The following C16orf46 variants were observed in gnomAD, a reference collection of about 807,000 sequenced individuals.
The protein encoded by C16orf46 is uncharacterized protein C16orf46.
C16orf46 carries 7 observed loss-of-function variants against 5.5 expected under a neutral mutation model. That is an observed-to-expected ratio of 1.28 (90% CI 0.73 to 2.40). The LOEUF is 2.40. Among genes scored for constraint, C16orf46 ranks in the 30% most tolerant of loss-of-function variants. The pLI is 0.00. For synonymous variants in C16orf46, 200 were observed against 184.1 expected (o/e 1.09, Z -0.70); for missense variants, 614 against 476.0 (o/e 1.29, Z -2.70).
In C16orf46 at chr16:81,062,231, G is replaced by A. The variant is rs1180876663; in HGVS notation, c.211-93C>T. 5.5e-6 allele frequency: 6 copies of A among 1,094,976 alleles called. No homozygotes were observed. In the Admixed American group the frequency reaches 1.6e-4, roughly 28 times the overall value. 67.8% of individuals were successfully genotyped at this position (1,094,976 alleles called of 1,614,324 possible). Reference sequence around the variant, plus strand: ...CACATTCCCATTTTGGCAGTCTTATGTGAAACAATATTCTTATTTTTATTT... The same window carrying A: ...CACATTCCCATTTTGGCAGTCTTATATGAAACAATATTCTTATTTTTATTT... On this transcript the variant is annotated intron_variant, in intron 3 of 3. Transcript: ENST00000299578.
At chr16:81,053,947 A>G in exon 4 of C16orf46, 1 of 986,990 alleles carries the variant, frequency 1.0e-6, no homozygotes, top group Non-Finnish European at 1.6e-6. Flanking sequence ...TTCTGCTTGC[A>G]GCGTTTGACT....
Position 81,071,297 on chromosome 16 carries a change from C to T in C16orf46, c.-127-5016G>A, listed in dbSNP as rs373406707. On this transcript the variant is annotated intron_variant, in intron 1 of 3. Coordinates refer to ENST00000299578, the MANE Select transcript of C16orf46 (RefSeq NM_152337.3). ...CCCAGTCAAACGTGGCAGGTTATCA[C>T]TAACCAATAAGAGCGACCAACTATC... Among the ~76,000 whole-genome samples the T allele has an allele frequency of 5.9e-5, 9 of 152,312 alleles. No individual in the cohort carries two copies. In the South Asian group the frequency reaches 1.2e-3, roughly 21 times the overall value.
chr16:81,074,703 A>C (rs1971968256), intron 1 of C16orf46, among the ~76,000 whole-genome samples: 1 of 151,474 alleles, frequency 6.6e-6, no homozygotes, highest in Admixed American at 6.6e-5. Flanking sequence ...ATCTTGATTA[A>C]CACTGAGCTT....
intron 2 of C16orf46, among the ~76,000 whole-genome samples, chr16:81,065,837 G>GTTTTC (rs1217644819): frequency 3.3e-5 from 5 of 151,568 alleles, no homozygotes; most frequent in African/African-American, 1.2e-4. Flanking sequence ...GTTTTGTTTT[G>GTTTTC]TTTTGTTTTG....
intron 3 of C16orf46, chr16:81,054,104 G>A: frequency 2.5e-6 from 4 of 1,611,366 alleles, no homozygotes; most frequent in Non-Finnish European, 3.4e-6. Context: ...GCTGTAACGA[G>A]AAATTTAATG....
At chr16:81,073,721 ATGCATTGT>A (rs1235620409) in intron 1 of C16orf46, among the ~76,000 whole-genome samples, 3 of 152,244 alleles carry the variant, frequency 2.0e-5, no homozygotes, top group Non-Finnish European at 4.4e-5. Context: ...GAGGAATTCA[ATGCATTGT>A]TGCTGGCTTT....
intron 3 of C16orf46, among the ~76,000 whole-genome samples, chr16:81,054,594 G>C (rs1159473753): frequency 6.6e-6 from 1 of 151,818 alleles, no homozygotes; most frequent in African/African-American, 2.4e-5. Context: ...ACCCATCTTG[G>C]CGTCCCAAAG....
intron 3 of C16orf46, 135 bp downstream of exon 3, chr16:81,063,611 C>T: frequency 1.4e-6 from 1 of 719,854 alleles, no homozygotes; most frequent in East Asian, 2.6e-5. Context: ...TAATATTTTA[C>T]CTCAATTCCA....
chr16:81,059,233 A>C (rs2151747210), downstream of C16orf46, among the ~76,000 whole-genome samples: 1 of 147,322 alleles, frequency 6.8e-6, no homozygotes, highest in South Asian at 2.2e-4. Context: ...GGGCATGAGA[A>C]TCGCTTGAAC....
rs1236065975 is a variant in C16orf46, at chr16:81,063,946, A to G, written c.10T>C (p.Cys4Arg). The G allele has an allele frequency of 6.2e-7, 1 of 1,611,546 alleles. No individual in the cohort carries two copies. ...TCTAAGTCAGTCTCATTTTTCTGACAGAGATCCATTACTGTGATGCTTGCT... is the reference window on the plus strand; with the variant it reads ...TCTAAGTCAGTCTCATTTTTCTGACGGAGATCCATTACTGTGATGCTTGCT... The part of the protein sequence containing the change: MDL[C>R]QKNETDLENA... Residue 4 changes from cysteine to arginine, a missense_variant, in exon 3 of 4, where the codon TGT becomes CGT. Transcript: ENST00000299578.
downstream of C16orf46, chr16:81,056,144 A>G (rs1971290169): frequency 6.6e-6 from 1 of 152,252 alleles, no homozygotes; most frequent in Admixed American, 6.5e-5. Flanking sequence ...TGTATCCCAC[A>G]AAGTATTGGC....
At chr16:81,064,883 G>C (rs1306317364) in intron 2 of C16orf46, among the ~76,000 whole-genome samples, 4 of 152,176 alleles carry the variant, frequency 2.6e-5, no homozygotes, top group Non-Finnish European at 4.4e-5. Flanking sequence ...TTTGATTTTG[G>C]ACTTTGAGAA....
intron 1 of C16orf46, among the ~76,000 whole-genome samples, chr16:81,075,747 T>A (rs1453015888): frequency 1.3e-5 from 2 of 152,168 alleles, no homozygotes; most frequent in Non-Finnish European, 1.5e-5. Flanking sequence ...TGTTTGCCAG[T>A]CTGTCTATAT....
intron 1 of C16orf46, among the ~76,000 whole-genome samples, chr16:81,070,971 G>A (rs1971830964): frequency 1.3e-5 from 2 of 152,188 alleles, no homozygotes; most frequent in Non-Finnish European, 2.9e-5. Context: ...CTGTATGGGA[G>A]AATTATCAAA....
At chr16:81,070,219 T>C (rs541071570) in intron 1 of C16orf46, among the ~76,000 whole-genome samples, 3 of 152,252 alleles carry the variant, frequency 2.0e-5, no homozygotes, top group Non-Finnish European at 4.4e-5. Flanking sequence ...AAAGAAGAAG[T>C]TGTAAGACTG....
rs1295269541 is a variant in C16orf46, at chr16:81,062,142, C to A, written c.211-4G>T. ...AAGTCCTTCCCCACCCTTGGACCTG[C>A]AAATAAAGCGGCATGTTACTCCTCC... On this transcript the variant is annotated splice_polypyrimidine_tract_variant and splice_region_variant and intron_variant, in intron 3 of 3. Transcript: ENST00000299578. 1.3e-6 allele frequency: 2 copies of A among 1,553,450 alleles called. No individual in the cohort carries two copies. The highest frequency in any genetic ancestry group is 1.9e-5 in the Admixed American group (1 of 53,334).
chr16:81,066,564 G>T (rs939823370), intron 1 of C16orf46, among the ~76,000 whole-genome samples: 2 of 152,202 alleles, frequency 1.3e-5, no homozygotes, highest in Non-Finnish European at 2.9e-5. Context: ...CACGTTAGCA[G>T]ATGACACACA....
chr16:81,068,809 C>G (rs1250771170), intron 1 of C16orf46, among the ~76,000 whole-genome samples: 2 of 152,114 alleles, frequency 1.3e-5, no homozygotes, highest in Non-Finnish European at 2.9e-5. Context: ...TCAAGTGATT[C>G]TTGTGCCTCA....
At chr16:81,070,633 A>G (rs373952425) in intron 1 of C16orf46, among the ~76,000 whole-genome samples, 1 of 152,200 alleles carries the variant, frequency 6.6e-6, no homozygotes, top group Admixed American at 6.5e-5. Context: ...GATTATAAAT[A>G]TAAATCTTAA....
Sources: gnomAD v4.1 joint callset for allele counts (sites outside exome capture counted in the v4.1 genomes callset) on GRCh38, gnomAD v4.1.1 for gene constraint, MANE v1.5 for transcripts, NCBI Gene and HGNC (gene_info 2026-07-23, HGNC 2026-07-21) for gene names.